LHCGR: variants seen among roughly 807,000 people sequenced by gnomAD.
LHCGR encodes luteinizing hormone/choriogonadotropin receptor.
Under a neutral mutation model 60.7 loss-of-function variants are expected in LHCGR, and 55 were observed. The observed-to-expected ratio is 0.91, with a 90% confidence interval of 0.73 to 1.13. The LOEUF (loss-of-function observed/expected upper bound fraction) is 1.13. Ranked by LOEUF, LHCGR falls within the 50% of genes most tolerant of loss-of-function variation. The pLI, the probability that LHCGR is intolerant of heterozygous loss-of-function variation, is 0.00. For synonymous variants in LHCGR, 337 were observed against 316.5 expected (o/e 1.06, Z -0.69); for missense variants, 862 against 836.0 (o/e 1.03, Z -0.38).
chr2:48,732,318 A>T (rs945152854), intron 1 of LHCGR, among the ~76,000 whole-genome samples: 1 of 152,244 alleles, frequency 6.6e-6, no homozygotes, highest in Admixed American at 6.5e-5. Context: ...ATATGAGAAC[A>T]AAGGTGAAAG....
At chr2:48,738,555 C>T (rs1669299055) in intron 1 of LHCGR, among the ~76,000 whole-genome samples, 1 of 152,216 alleles carries the variant, frequency 6.6e-6, no homozygotes, top group African/African-American at 2.4e-5. Context: ...CTACAAATGT[C>T]TCAGCCTGGC....
In LHCGR at chr2:48,688,216, A is replaced by G. The variant is rs760102149; in HGVS notation, c.1581T>C (p.Tyr527=). The change falls in exon 11 of 11, where the codon TAT becomes TAC. Residue 527 remains tyrosine, a synonymous_variant. Transcript: ENST00000294954. The surrounding 1 kb of genome is among the most constrained non-coding windows in gnomAD (Gnocchi z 5.2). The part of the protein sequence containing the change: ...MDVETTLSQV[Y]ILTILILNVV... ...CATTGAGAATCAGGATGGTTAATAT[A>G]TAGACTTGTGAGAGAGTGGTTTCCA... 6.8e-6 allele frequency: 11 copies of G among 1,614,214 alleles called. No homozygotes were observed. In the East Asian group the frequency reaches 2.2e-4, roughly 33 times the overall value.
At chr2:48,725,804 G>C in intron 3 of LHCGR, 54 bp from the exon 4 acceptor site, 1 of 1,368,650 alleles carries the variant, frequency 7.3e-7, no homozygotes, top group Non-Finnish European at 1.0e-6. Flanking sequence ...TGTATTGTTT[G>C]AAATGTGTGA....
In LHCGR at chr2:48,723,619, T is replaced by C. The variant is rs76210637; in HGVS notation, c.458+3A>G. 3.7e-3 allele frequency: 5,908 copies of C among 1,612,274 alleles called. 14 individuals are homozygous for C. Among genetic ancestry groups the C allele is most frequent in the Non-Finnish European group, 4.6e-3 (5,414 of 1,178,298 alleles). Reference sequence around the variant, plus strand: ...TATGCATAGCAATCAGCCTGGTACTTACAGAATGAAATTTGATTCAGAGGA... The same window carrying C: ...TATGCATAGCAATCAGCCTGGTACTCACAGAATGAAATTTGATTCAGAGGA... On this transcript the variant is annotated splice_donor_region_variant and intron_variant, in intron 5 of 10. Transcript: ENST00000294954.
chr2:48,709,120 G>T, intron 7 of LHCGR, 98 bp from the exon 8 acceptor site: 1 of 920,338 alleles, frequency 1.1e-6, no homozygotes, highest in Non-Finnish European at 1.8e-6. Flanking sequence ...TGTGCATGAT[G>T]TATAGGGTTA....
At chr2:48,739,317 T>C (rs1171851638) in intron 1 of LHCGR, among the ~76,000 whole-genome samples, 1 of 152,212 alleles carries the variant, frequency 6.6e-6, no homozygotes, top group Non-Finnish European at 1.5e-5. Flanking sequence ...ACTGGGTATA[T>C]ACCCAAAGGA....
At chr2:48,729,298 CTA>C in intron 2 of LHCGR, 71 bp from the exon 3 acceptor site, 1 of 1,169,116 alleles carries the variant, frequency 8.6e-7, no homozygotes, top group Non-Finnish European at 1.3e-6. Flanking sequence ...TGATTATGAG[CTA>C]TGTGTGTGAC....
At chr2:48,734,928 A>G (rs1369423222) in intron 1 of LHCGR, among the ~76,000 whole-genome samples, 1 of 152,224 alleles carries the variant, frequency 6.6e-6, no homozygotes, top group African/African-American at 2.4e-5. Flanking sequence ...CAGGGTGGAG[A>G]TTCTCTCTTG....
intron 3 of LHCGR, among the ~76,000 whole-genome samples, chr2:48,726,991 G>T (rs1668766118): frequency 6.6e-6 from 1 of 152,136 alleles, no homozygotes; most frequent in Admixed American, 6.6e-5. Context: ...CCCACCACTT[G>T]TGCCTGTTTC....
intron 1 of LHCGR, among the ~76,000 whole-genome samples, chr2:48,732,355 T>C (rs1669032050): frequency 6.6e-6 from 1 of 152,212 alleles, no homozygotes; most frequent in African/African-American, 2.4e-5. Flanking sequence ...AACATGTCTA[T>C]GCAGCAGAGA....
rs535949210 is a variant in LHCGR, at chr2:48,705,864, C to T, written c.680+3084G>A. ...CGTTATCCAATTTTCCAGTCTGTGT[C>T]TTTTATTTGGGGCATTTAGCCCGTT... On this transcript the variant is annotated intron_variant, in intron 8 of 10. Transcript: ENST00000294954. 2.6e-5 allele frequency among the ~76,000 whole-genome samples: 4 copies of T among 152,154 alleles called. No homozygotes were observed. The South Asian group carries it at 8.3e-4, about 32-fold the overall frequency.
Position 48,687,702 on chromosome 2 carries a change from ACT to A in LHCGR, c.2093_2094del (p.Glu698ValfsTer15). ...TGCAGTTACTGATGTAACAGTTAAC[ACT>A]CTGTGTAGCGAGTCTTGTCTAGGAG... ...TALLDKTRYT[E>X]C On this transcript the variant is annotated frameshift_variant, in exon 11 of 11. Transcript: ENST00000294954. LOFTEE classifies it high-confidence loss of function. The A allele has an allele frequency of 6.2e-7, 1 of 1,612,814 alleles. No individual in the cohort carries two copies. The highest frequency in any genetic ancestry group is 8.5e-7 in the Non-Finnish European group (1 of 1,178,862).
At chr2:48,704,821 T>C (rs1003733026) in intron 8 of LHCGR, among the ~76,000 whole-genome samples, 56 of 152,354 alleles carry the variant, frequency 3.7e-4, no homozygotes, top group African/African-American at 1.3e-3. Context: ...TCTATTTTGT[T>C]AATCTATTCA....
chr2:48,697,278 C>G (rs1167501263), intron 9 of LHCGR, among the ~76,000 whole-genome samples: 2 of 152,248 alleles, frequency 1.3e-5, no homozygotes, highest in African/African-American at 2.4e-5. Flanking sequence ...CCTCAGGAAG[C>G]CTTCCATAAT....
At chr2:48,738,289 GTT>G (rs1488208951) in intron 1 of LHCGR, among the ~76,000 whole-genome samples, 5 of 151,846 alleles carry the variant, frequency 3.3e-5, no homozygotes, top group Non-Finnish European at 7.4e-5. Flanking sequence ...CATTTCCTCT[GTT>G]CTCCCATCGA....
At chr2:48,716,888 T>C (rs1001539708) in intron 6 of LHCGR, among the ~76,000 whole-genome samples, 2 of 152,224 alleles carry the variant, frequency 1.3e-5, no homozygotes, top group African/African-American at 2.4e-5. Flanking sequence ...CTGGAGTTGC[T>C]TGTCAAAAAT....
In LHCGR at chr2:48,688,236, T is replaced by C; in HGVS notation, c.1561A>G (p.Thr521Ala). ...AATATATAGACTTGTGAGAGAGTGG[T>C]TTCCACATCCATGGGGAAGCAAATA... is the stretch of plus-strand genomic sequence containing the variant. ...VSICFPMDVE[T>A]TLSQVYILTI... The change falls in exon 11 of 11, where the codon ACC becomes GCC. Residue 521 changes from threonine to alanine, a missense_variant. Physicochemically the swap from Thr to Ala is moderately conservative, Grantham distance 58. Transcript: ENST00000294954. This position sits in a 1 kb window ranked among gnomAD's most constrained non-coding sequence, Gnocchi z 5.2. The C allele has an allele frequency of 2.5e-6, 4 of 1,614,128 alleles. No homozygotes were observed. In the Middle Eastern group the frequency reaches 6.6e-4, roughly 266 times the overall value.
chr2:48,748,506 T>G (rs1224220251), intron 1 of LHCGR, among the ~76,000 whole-genome samples: 1 of 152,204 alleles, frequency 6.6e-6, no homozygotes, highest in African/African-American at 2.4e-5. Flanking sequence ...TAATGAGCTC[T>G]GCTGTTTTGG....
chr2:48,699,057 C>T (rs776911745), intron 8 of LHCGR, among the ~76,000 whole-genome samples: 1 of 152,060 alleles, frequency 6.6e-6, no homozygotes, highest in African/African-American at 2.4e-5. Flanking sequence ...ATCTTCTGAC[C>T]TCGTGATCCG....
Sources: gnomAD v4.1 joint callset for allele counts (sites outside exome capture counted in the v4.1 genomes callset) on GRCh38, gnomAD v4.1.1 for gene constraint, Gnocchi (gnomAD v3.1) non-coding constraint, MANE v1.5 for transcripts, NCBI Gene and HGNC (gene_info 2026-07-23, HGNC 2026-07-21) for gene names.